AUTS2: variants seen among roughly 807,000 people sequenced by gnomAD.
AUTS2 encodes activator of transcription and developmental regulator AUTS2.
A neutral mutation model predicts 112.4 loss-of-function variants in AUTS2; 17 were observed. The ratio of observed to expected loss-of-function variants is 0.15; its 90% CI spans 0.10 to 0.23. The LOEUF (loss-of-function observed/expected upper bound fraction) is 0.23. AUTS2 is among the 10% of genes least tolerant of loss of function. The pLI is 1.00. For synonymous variants in AUTS2, 751 were observed against 702.7 expected (o/e 1.07, Z -1.09); for missense variants, 1,510 against 1,701.6 (o/e 0.89, Z 1.98).
chr7:69,801,929 G>T (rs1790103828), intron 1 of AUTS2, among the ~76,000 whole-genome samples: 1 of 152,192 alleles, frequency 6.6e-6, no homozygotes, highest in South Asian at 2.1e-4. Flanking sequence ...TGCAATTTTA[G>T]ATTCAGTGGC....
At chr7:70,028,273 C>A (rs189642675) in intron 2 of AUTS2, among the ~76,000 whole-genome samples, 2 of 152,162 alleles carry the variant, frequency 1.3e-5, no homozygotes, top group South Asian at 4.1e-4. Flanking sequence ...TCTTAAACTT[C>A]GTGCATTCTA....
intron 5 of AUTS2, among the ~76,000 whole-genome samples, chr7:70,611,923 G>A (rs1804113827): frequency 6.6e-6 from 1 of 152,232 alleles, no homozygotes; most frequent in Middle Eastern, 3.2e-3. Context: ...GTACTCATTA[G>A]AGTAGTCATA....
intron 2 of AUTS2, among the ~76,000 whole-genome samples, chr7:69,927,900 C>T (rs550026953): frequency 1.3e-4 from 20 of 152,208 alleles, no homozygotes; most frequent in Non-Finnish European, 2.5e-4. Flanking sequence ...AGGGGTATTA[C>T]CGGGCTACCT....
intron 4 of AUTS2, among the ~76,000 whole-genome samples, chr7:70,322,386 A>G (rs947137468): frequency 3.3e-5 from 5 of 152,128 alleles, no homozygotes; most frequent in African/African-American, 7.2e-5. Flanking sequence ...CCTTTATGCT[A>G]TGGTTTAAAA....
At chr7:69,985,030 C>A (rs964884536) in intron 2 of AUTS2, among the ~76,000 whole-genome samples, 2 of 152,072 alleles carry the variant, frequency 1.3e-5, no homozygotes, top group Non-Finnish European at 2.9e-5. Flanking sequence ...GCTGTTCTTT[C>A]AGCCATGTCT....
At chr7:69,861,518 T>A (rs1792983640) in intron 1 of AUTS2, among the ~76,000 whole-genome samples, 1 of 152,162 alleles carries the variant, frequency 6.6e-6, no homozygotes, top group East Asian at 1.9e-4. Context: ...TGTCAGCCGA[T>A]AAAGGATTAT....
chr7:69,664,490 A>G (rs2129146777), intron 1 of AUTS2, among the ~76,000 whole-genome samples: 1 of 152,362 alleles, frequency 6.6e-6, no homozygotes, highest in South Asian at 2.1e-4. Context: ...TGATTAACCT[A>G]AAAGTTTTAA....
chr7:70,364,529 G>A (rs1792468996), intron 4 of AUTS2, among the ~76,000 whole-genome samples: 1 of 150,634 alleles, frequency 6.6e-6, no homozygotes. Context: ...TCACGCCACT[G>A]CACTCCAGCC....
At position 69,625,732 on chromosome 7, in the gene AUTS2, A is replaced by G. The variant is rs189545637; in HGVS notation, c.309+25770A>G. ...AATTAGCTGGATGTGGTGGCTTACA[A>G]TGGTAGTCCTGTCTACTCGGGAGGC... On this transcript the variant is annotated intron_variant, in intron 1 of 18. Coordinates refer to ENST00000342771, the MANE Select transcript of AUTS2 (RefSeq NM_015570.4). 8.6e-5 allele frequency among the ~76,000 whole-genome samples: 13 copies of G among 151,920 alleles called. No individual in the cohort carries two copies. The East Asian group carries it at 2.5e-3, about 29-fold the overall frequency.
intron 2 of AUTS2, among the ~76,000 whole-genome samples, chr7:70,103,986 A>C (rs1052135792): frequency 1.3e-5 from 2 of 151,958 alleles, no homozygotes; most frequent in Non-Finnish European, 2.9e-5. Flanking sequence ...TTATCACAAA[A>C]ATGAAAGCAG....
chr7:70,018,950 A>G (rs925781897), intron 2 of AUTS2, among the ~76,000 whole-genome samples: 2 of 152,200 alleles, frequency 1.3e-5, no homozygotes, highest in Non-Finnish European at 2.9e-5. Context: ...TATCATAAAG[A>G]TACATGTCTG....
intron 1 of AUTS2, among the ~76,000 whole-genome samples, chr7:69,703,346 A>G (rs1486587325): frequency 6.6e-6 from 1 of 152,202 alleles, no homozygotes; most frequent in Non-Finnish European, 1.5e-5. Flanking sequence ...TGGCAGAGCT[A>G]TTAAGATGAC....
intron 5 of AUTS2, among the ~76,000 whole-genome samples, chr7:70,682,523 C>T (rs1262326001): frequency 8.5e-5 from 13 of 152,194 alleles, no homozygotes; most frequent in African/African-American, 4.8e-5. Flanking sequence ...CACTCTTTCT[C>T]GAACTTCAAA....
Position 69,599,758 on chromosome 7 carries a change from C to A in AUTS2, c.105C>A (p.Ala35=). ...GGGGCGGGCTGGGGGCCGGCGCGGC[C>A]GGCGGCGGCGGGGCTGGCCGGACCC... The part of the protein sequence containing the change: ...RSRGGLGAGA[A]GGGGAGRTRA... The change falls in exon 1 of 19, where the codon GCC becomes GCA. Residue 35 remains alanine, a synonymous_variant. Coordinates refer to ENST00000342771, the MANE Select transcript of AUTS2 (RefSeq NM_015570.4). The surrounding 1 kb of genome is among the most constrained non-coding windows in gnomAD (Gnocchi z 7.0). 2.2e-6 allele frequency: 3 copies of A among 1,368,588 alleles called. No homozygotes were observed. The highest frequency in any genetic ancestry group is 1.9e-6 in the Non-Finnish European group (2 of 1,064,346). 84.8% of individuals were successfully genotyped at this position (1,368,588 alleles called of 1,614,324 possible).
chr7:70,697,784 G>C (rs1387239195), intron 5 of AUTS2, among the ~76,000 whole-genome samples: 1 of 152,060 alleles, frequency 6.6e-6, no homozygotes, highest in Admixed American at 6.5e-5. Context: ...ATTTTTTCAA[G>C]TTCTAGAAAT....
At chr7:70,709,618 C>T (rs536048651) in intron 6 of AUTS2, among the ~76,000 whole-genome samples, 130 of 152,262 alleles carry the variant, frequency 8.5e-4, no homozygotes, top group Middle Eastern at 3.4e-3. Flanking sequence ...GACTGAGGCA[C>T]GAGAATGGCT....
At chr7:70,218,390 T>C (rs1476342540) in intron 4 of AUTS2, among the ~76,000 whole-genome samples, 2 of 152,202 alleles carry the variant, frequency 1.3e-5, no homozygotes, top group African/African-American at 4.8e-5. Flanking sequence ...TGCTTCTGAC[T>C]TCCCTCTGAT....
intron 1 of AUTS2, among the ~76,000 whole-genome samples, chr7:69,689,666 T>G: frequency 7.1e-6 from 1 of 140,064 alleles, no homozygotes; most frequent in African/African-American, 2.7e-5. Context: ...ATTTATTTAT[T>G]TATTTATTTA....
chr7:70,737,028 A>C lies in AUTS2; in HGVS notation c.743-25842A>C, dbSNP rs577453312. ...AGTCTCCCCATTAGTCAAAAGTTTT[A>C]CTCTCAAGTGACTAAAACGTTACTC... On this transcript the variant is annotated intron_variant, in intron 6 of 18. Transcript: ENST00000342771. Among the ~76,000 whole-genome samples, 4 of 152,228 alleles carry C rather than the reference A, an allele frequency of 2.6e-5. No individual in the cohort carries two copies. In the South Asian group the frequency reaches 6.2e-4, roughly 24 times the overall value.
Sources: gnomAD v4.1 joint callset for allele counts (sites outside exome capture counted in the v4.1 genomes callset) on GRCh38, gnomAD v4.1.1 for gene constraint, Gnocchi (gnomAD v3.1) non-coding constraint, MANE v1.5 for transcripts, NCBI Gene and HGNC (gene_info 2026-07-23, HGNC 2026-07-21) for gene names.